The following KIAA0825 variants were observed in gnomAD, a reference collection of about 807,000 sequenced individuals.
KIAA0825 encodes the protein uncharacterized protein KIAA0825.
Under a neutral mutation model 147.6 loss-of-function variants are expected in KIAA0825, and 119 were observed. That is an observed-to-expected ratio of 0.81 (90% CI 0.69 to 0.94). The LOEUF is 0.94. Among genes scored for constraint, KIAA0825 ranks in the 40% least tolerant of loss-of-function variants. KIAA0825 has a pLI of 0.00. For missense variants in KIAA0825, 1,381 were observed against 1,472.7 expected (o/e 0.94, Z 1.02); for synonymous variants, 470 against 518.1 (o/e 0.91, Z 1.26).
intron 14 of KIAA0825, among the ~76,000 whole-genome samples, chr5:94,436,979 A>C (rs1028585286): frequency 1.3e-5 from 2 of 152,160 alleles, no homozygotes; most frequent in African/African-American, 4.8e-5. Context: ...GTATCCTAAG[A>C]CTTTGCTGAG....
chr5:94,284,764 C>G (rs1352840236), intron 20 of KIAA0825, among the ~76,000 whole-genome samples: 1 of 152,086 alleles, frequency 6.6e-6, no homozygotes, highest in Non-Finnish European at 1.5e-5. Flanking sequence ...CTGAAGTGGT[C>G]CCTTAAATGT....
intron 19 of KIAA0825, among the ~76,000 whole-genome samples, chr5:94,384,687 T>C (rs548274801): frequency 3.9e-5 from 6 of 152,312 alleles, no homozygotes; most frequent in African/African-American, 1.2e-4. Flanking sequence ...TATAAAAATA[T>C]AAATCAATTT....
chr5:94,316,131 C>T lies in KIAA0825; in HGVS notation c.3710+68237G>A, dbSNP rs79956873. ...TGAGTGTCTGTAGTACACGCCATCT[C>T]GTGTTATATATGGCTTTTACATTTA... On this transcript the variant is annotated intron_variant, in intron 20 of 20. Coordinates refer to ENST00000682413, the MANE Select transcript of KIAA0825 (RefSeq NM_001145678.3). 3.4e-4 allele frequency among the ~76,000 whole-genome samples: 52 copies of T among 151,514 alleles called. No homozygotes were observed. The East Asian group carries it at 8.6e-3, about 25-fold the overall frequency.
At chr5:94,503,940 T>C (rs755788091) in intron 5 of KIAA0825, among the ~76,000 whole-genome samples, 1 of 152,150 alleles carries the variant, frequency 6.6e-6, no homozygotes, top group Admixed American at 6.6e-5. Context: ...TGAAAGAGCA[T>C]GCTGCAGAAG....
At chr5:94,214,152 G>A (rs548265675) in intron 20 of KIAA0825, among the ~76,000 whole-genome samples, 8 of 152,080 alleles carry the variant, frequency 5.3e-5, no homozygotes, top group South Asian at 2.1e-4. Flanking sequence ...CACTGCACCC[G>A]GCCCTGGATA....
At chr5:94,371,569 A>G (rs1746715296) in intron 20 of KIAA0825, among the ~76,000 whole-genome samples, 1 of 152,186 alleles carries the variant, frequency 6.6e-6, no homozygotes, top group Non-Finnish European at 1.5e-5. Context: ...GCCCCTTATT[A>G]AACCATCAGA....
chr5:94,453,587 T>A (rs1483459134), intron 12 of KIAA0825, among the ~76,000 whole-genome samples: 1 of 152,074 alleles, frequency 6.6e-6, no homozygotes, highest in Non-Finnish European at 1.5e-5. Context: ...AGGGGCCAGG[T>A]GGGCAAGTCA....
At chr5:94,489,881 C>T (rs558298290) in intron 5 of KIAA0825, among the ~76,000 whole-genome samples, 13 of 133,872 alleles carry the variant, frequency 9.7e-5, no homozygotes, top group African/African-American at 3.1e-4. Context: ...GAGAGAGACT[C>T]TGTCTCAAAA....
chr5:94,408,028 C>CT (rs1178872698), intron 15 of KIAA0825, among the ~76,000 whole-genome samples: 5 of 152,174 alleles, frequency 3.3e-5, no homozygotes, highest in African/African-American at 1.2e-4. Flanking sequence ...CTCATCTTTA[C>CT]TGTGGAAGCA....
At position 94,153,327 on chromosome 5, in the gene KIAA0825, G is replaced by A. The variant is rs1404370383; in HGVS notation, c.*680C>T. 2 of 152,044 alleles carry A rather than the reference G, an allele frequency of 1.3e-5. No individual in the cohort carries two copies. Among genetic ancestry groups the A allele is most frequent in the Non-Finnish European group, 2.9e-5 (2 of 68,006 alleles). The allele number at this position is 152,044 out of a possible 1,614,324, so 9.4% of individuals were successfully genotyped here. On this transcript the variant is annotated 3_prime_UTR_variant, in exon 21 of 21. Transcript: ENST00000682413. ...GATTCTGATTGGGAAAACATGGCAAGCATGTGACTTGAACCAAGAGGATGG... is the reference window on the plus strand; with the variant it reads ...GATTCTGATTGGGAAAACATGGCAAACATGTGACTTGAACCAAGAGGATGG...
At chr5:94,259,166 C>T (rs1776376654) in intron 20 of KIAA0825, among the ~76,000 whole-genome samples, 1 of 152,024 alleles carries the variant, frequency 6.6e-6, no homozygotes. Flanking sequence ...TTACAGAACT[C>T]ATACTTGGAA....
At chr5:94,511,461 A>G (rs899011853) in intron 5 of KIAA0825, among the ~76,000 whole-genome samples, 1 of 152,078 alleles carries the variant, frequency 6.6e-6, no homozygotes, top group African/African-American at 2.4e-5. Flanking sequence ...TCTCTACTAA[A>G]AATACAAAAT....
At chr5:94,572,669 A>G (rs1473823350) in intron 2 of KIAA0825, among the ~76,000 whole-genome samples, 1 of 152,218 alleles carries the variant, frequency 6.6e-6, no homozygotes, top group African/African-American at 2.4e-5. Flanking sequence ...TTGTAGAACT[A>G]TATATACAGC....
At chr5:94,469,209 C>T (rs1035254313) in intron 10 of KIAA0825, among the ~76,000 whole-genome samples, 2 of 151,392 alleles carry the variant, frequency 1.3e-5, no homozygotes, top group African/African-American at 4.9e-5. Flanking sequence ...CTAGCTCTGT[C>T]ACCCAGGCTG....
intron 10 of KIAA0825, among the ~76,000 whole-genome samples, chr5:94,467,639 C>T (rs527975206): frequency 6.6e-6 from 1 of 152,342 alleles, no homozygotes; most frequent in East Asian, 1.9e-4. Flanking sequence ...AATAATGTAT[C>T]TAGATCTCAC....
intron 20 of KIAA0825, among the ~76,000 whole-genome samples, chr5:94,154,410 C>T (rs1766838913): frequency 6.6e-6 from 1 of 152,124 alleles, no homozygotes; most frequent in South Asian, 2.1e-4. Context: ...TGTATGTGGC[C>T]TATGAAAATA....
intron 20 of KIAA0825, among the ~76,000 whole-genome samples, chr5:94,162,993 T>C (rs879495716): frequency 6.6e-6 from 1 of 152,204 alleles, no homozygotes; most frequent in African/African-American, 2.4e-5. Context: ...ATGAATATGA[T>C]GGCTCTTAGA....
At chr5:94,247,065 A>G (rs1365480735) in intron 20 of KIAA0825, among the ~76,000 whole-genome samples, 2 of 152,138 alleles carry the variant, frequency 1.3e-5, no homozygotes, top group Non-Finnish European at 2.9e-5. Flanking sequence ...TTCTTGAGGT[A>G]GAAAATGGTG....
chr5:94,460,892 A>G (rs1584559240), intron 12 of KIAA0825, among the ~76,000 whole-genome samples: 1 of 152,182 alleles, frequency 6.6e-6, no homozygotes, highest in South Asian at 2.1e-4. Context: ...AATATTTTAA[A>G]AGAATTAAAG....
Sources: gnomAD v4.1 joint callset for allele counts (sites outside exome capture counted in the v4.1 genomes callset) on GRCh38, gnomAD v4.1.1 for gene constraint, MANE v1.5 for transcripts, NCBI Gene and HGNC (gene_info 2026-07-23, HGNC 2026-07-21) for gene names.